PEAK1: variants seen among roughly 807,000 people sequenced by gnomAD.
PEAK1 encodes the protein inactive tyrosine-protein kinase PEAK1.
Under a neutral mutation model 124.7 loss-of-function variants are expected in PEAK1, and 54 were observed. The observed-to-expected ratio is 0.43, with a 90% confidence interval of 0.35 to 0.54. The LOEUF is 0.54. Among genes scored for constraint, PEAK1 ranks in the 20% least tolerant of loss-of-function variants. PEAK1 has a pLI of 0.01. For synonymous variants in PEAK1, 719 were observed against 760.0 expected (o/e 0.95, Z 0.89); for missense variants, 2,046 against 2,134.5 (o/e 0.96, Z 0.82).
rs2057302567 is a variant in PEAK1 at position 77,182,050 on chromosome 15, G to A, written c.-114-10C>T. On this transcript the variant is annotated splice_polypyrimidine_tract_variant and intron_variant, in intron 6 of 9. Coordinates refer to ENST00000682557, the MANE Select transcript of PEAK1 (RefSeq NM_001385026.1). ...TCTAAGAATGATCAATCTGTGGAGGGGAAAAGAAGACAAAAAATCTGAATG... is the reference window on the plus strand; with the variant it reads ...TCTAAGAATGATCAATCTGTGGAGGAGAAAAGAAGACAAAAAATCTGAATG... The A allele has an allele frequency of 7.2e-7, 1 of 1,388,482 alleles. No homozygotes were observed. Among genetic ancestry groups the A allele is most frequent in the Non-Finnish European group, 9.3e-7 (1 of 1,075,660 alleles). 86.0% of individuals were successfully genotyped at this position (1,388,482 alleles called of 1,614,324 possible). A position where few individuals can be genotyped will look rare whatever the true frequency, so the allele number is the denominator to read the frequency against.
At chr15:77,141,165 A>T (rs2053755634) in intron 8 of PEAK1, among the ~76,000 whole-genome samples, 1 of 152,216 alleles carries the variant, frequency 6.6e-6, no homozygotes, top group South Asian at 2.1e-4. Context: ...ACACAAAAAA[A>T]CTATTAGAAT....
intron 1 of PEAK1, among the ~76,000 whole-genome samples, chr15:77,381,615 T>A (rs1380474350): frequency 6.6e-6 from 1 of 152,172 alleles, no homozygotes; most frequent in Non-Finnish European, 1.5e-5. Flanking sequence ...GTGCTGAAAT[T>A]CAACCACCAG....
intron 8 of PEAK1, among the ~76,000 whole-genome samples, chr15:77,147,222 G>C (rs2054235259): frequency 6.6e-6 from 1 of 152,156 alleles, no homozygotes; most frequent in Non-Finnish European, 1.5e-5. Flanking sequence ...GAACTTTCCT[G>C]AGCAGAGCCA....
chr15:77,198,930 T>A (rs558791013), intron 6 of PEAK1, among the ~76,000 whole-genome samples: 2 of 152,326 alleles, frequency 1.3e-5, no homozygotes, highest in Admixed American at 6.5e-5. Flanking sequence ...AGGCTTTTAG[T>A]GCAAATGAAG....
Position 77,158,472 on chromosome 15 carries a change from T to C in PEAK1, c.3331+31A>G, listed in dbSNP as rs767848695. ...GGCTAGTACAGAAAAAGGCAAAGTTTAAATACTACTTATTGGACATTTGCA... is the reference window on the plus strand; with the variant it reads ...GGCTAGTACAGAAAAAGGCAAAGTTCAAATACTACTTATTGGACATTTGCA... On this transcript the variant is annotated intron_variant, in intron 8 of 9. Coordinates refer to ENST00000682557, the MANE Select transcript of PEAK1 (RefSeq NM_001385026.1). The C allele has an allele frequency of 1.4e-5, 23 of 1,595,030 alleles. No individual in the cohort carries two copies. In the Middle Eastern group the frequency reaches 5.2e-4, roughly 36 times the overall value.
intron 2 of PEAK1, among the ~76,000 whole-genome samples, chr15:77,351,136 G>T (rs528497617): frequency 6.6e-6 from 1 of 152,276 alleles, no homozygotes; most frequent in South Asian, 2.1e-4. Flanking sequence ...AACCACTATG[G>T]AAATACACAA....
chr15:77,220,520 C>CA (rs34013493), intron 6 of PEAK1, among the ~76,000 whole-genome samples: 19,129 of 76,680 alleles, frequency 0.25, 1,450 homozygotes, highest in African/African-American at 0.29. Flanking sequence ...AGCTAAAATT[C>CA]AAAAAAAAAA....
chr15:77,309,804 T>C (rs2064326609), intron 2 of PEAK1, among the ~76,000 whole-genome samples: 1 of 152,204 alleles, frequency 6.6e-6, no homozygotes, highest in African/African-American at 2.4e-5. Context: ...ATCACCTTTA[T>C]TATTTATACT....
At chr15:77,195,781 G>A (rs894175415) in intron 6 of PEAK1, among the ~76,000 whole-genome samples, 3 of 152,138 alleles carry the variant, frequency 2.0e-5, no homozygotes, top group Non-Finnish European at 4.4e-5. Flanking sequence ...TAATTAATCA[G>A]GCCTATTCAA....
Position 77,180,651 on chromosome 15 carries a change from C to T in PEAK1, c.1276G>A (p.Gly426Ser), listed in dbSNP as rs1279630279. 1.2e-6 allele frequency: 2 copies of T among 1,614,122 alleles called. No individual in the cohort carries two copies. Among genetic ancestry groups the T allele is most frequent in the Non-Finnish European group, 1.7e-6 (2 of 1,180,012 alleles). Residue 426 changes from glycine to serine, a missense_variant, in exon 7 of 10, where the codon GGC becomes AGC. Physicochemically the swap from Gly to Ser is moderately conservative, Grantham distance 56. Coordinates refer to ENST00000682557, the MANE Select transcript of PEAK1 (RefSeq NM_001385026.1). ...TTCTCAGTTTGTACAGCAATCTTGC[C>T]ATCTTTCTCTTCTAATCGGAGAGCA... The part of the protein sequence containing the change: ...VLALRLEEKD[G>S]KIAVQTEKEE...
chr15:77,235,461 C>T (rs1384589362), intron 6 of PEAK1, among the ~76,000 whole-genome samples: 2 of 152,058 alleles, frequency 1.3e-5, no homozygotes, highest in Non-Finnish European at 2.9e-5. Context: ...GTGCATTACG[C>T]CTGTCCTAGA....
chr15:77,367,061 G>C (rs778175798), intron 1 of PEAK1, among the ~76,000 whole-genome samples: 1 of 152,100 alleles, frequency 6.6e-6, no homozygotes, highest in South Asian at 2.1e-4. Context: ...TTCAACCCGG[G>C]AGGCAGAGAT....
chr15:77,119,151 TCC>T (rs1452914666), intron 9 of PEAK1, among the ~76,000 whole-genome samples: 25 of 152,308 alleles, frequency 1.6e-4, no homozygotes, highest in African/African-American at 5.3e-4. Flanking sequence ...CCAAGGGAAC[TCC>T]TCGTGTGAAG....
At chr15:77,226,829 G>T (rs967107734) in intron 6 of PEAK1, among the ~76,000 whole-genome samples, 3 of 151,922 alleles carry the variant, frequency 2.0e-5, no homozygotes, top group Non-Finnish European at 4.4e-5. Context: ...TCCTTATAAC[G>T]TATTACCACC....
intron 6 of PEAK1, among the ~76,000 whole-genome samples, chr15:77,240,445 C>T (rs1357656270): frequency 1.3e-5 from 2 of 151,702 alleles, no homozygotes; most frequent in African/African-American, 4.8e-5. Context: ...CACAGGAAGT[C>T]CGTCTCTACA....
chr15:77,186,672 C>T (rs751847776), intron 6 of PEAK1, among the ~76,000 whole-genome samples: 2 of 151,986 alleles, frequency 1.3e-5, no homozygotes, highest in Non-Finnish European at 2.9e-5. Flanking sequence ...AGGCAAACAC[C>T]TTTAGCAAGC....
intron 1 of PEAK1, among the ~76,000 whole-genome samples, chr15:77,374,582 T>C (rs1341177163): frequency 1.3e-5 from 2 of 152,072 alleles, no homozygotes; most frequent in African/African-American, 4.8e-5. Context: ...AATAAGAATT[T>C]TGAACTTATA....
chr15:77,368,163 T>C (rs535629832), intron 1 of PEAK1, among the ~76,000 whole-genome samples: 1 of 152,332 alleles, frequency 6.6e-6, no homozygotes, highest in East Asian at 1.9e-4. Flanking sequence ...TAAGAATATG[T>C]ATTGATAACT....
chr15:77,114,942 G>A lies in PEAK1; in HGVS notation c.4455C>T (p.Ser1485=). Residue 1485 remains serine (S), a synonymous_variant, in exon 10 of 10, where the codon AGC becomes AGT. Transcript: ENST00000682557. ...ACACCTGCCTCTCATACAAATCAGG[G>A]CTTTTCCCATGCTGGGCCAGAGAGT... ...VRDSLAQHGK[S]PDLYERQVCL... is the part of the protein sequence containing the mutation. 6.2e-7 allele frequency: 1 copy of A among 1,614,024 alleles called. No individual in the cohort carries two copies.
Sources: allele counts gnomAD v4.1 joint callset (sites outside exome capture counted in the v4.1 genomes callset), GRCh38; gene constraint gnomAD v4.1.1; transcripts MANE v1.5; gene names NCBI Gene and HGNC (gene_info 2026-07-23, HGNC 2026-07-21).